Variants in AMOTL1 observed in about 807,000 individuals in gnomAD.
AMOTL1 encodes angiomotin like 1, also known as angiomotin-like protein 1.
Under a neutral mutation model 102.9 loss-of-function variants are expected in AMOTL1, and 45 were observed. That is an observed-to-expected ratio of 0.44 (90% CI 0.34 to 0.56). AMOTL1 has a LOEUF of 0.56. Among genes scored for constraint, AMOTL1 ranks in the 20% least tolerant of loss-of-function variants. The pLI is 0.01. For synonymous variants in AMOTL1, 481 were observed against 484.7 expected (o/e 0.99, Z 0.10); for missense variants, 1,114 against 1,225.6 (o/e 0.91, Z 1.36).
At chr11:94,747,250 A>C (rs1444856685) in intron 3 of AMOTL1, among the ~76,000 whole-genome samples, 1 of 152,148 alleles carries the variant, frequency 6.6e-6, no homozygotes, top group African/African-American at 2.4e-5. Context: ...TTGTTTTCTT[A>C]ACCTTTCATA....
intron 6 of AMOTL1, among the ~76,000 whole-genome samples, chr11:94,840,681 T>TATATATACACAC (rs1166713705): frequency 2.4e-4 from 25 of 104,772 alleles, no homozygotes; most frequent in African/African-American, 1.0e-3. Context: ...TATATATATA[T>TATATATACACAC]ACACACACAC....
intron 6 of AMOTL1, among the ~76,000 whole-genome samples, chr11:94,849,334 G>A (rs1445155952): frequency 6.6e-6 from 1 of 152,072 alleles, no homozygotes; most frequent in Non-Finnish European, 1.5e-5. Flanking sequence ...TATTGCTTTT[G>A]CAACATGAAA....
chr11:94,805,685 G>A (rs1375309569), intron 3 of AMOTL1, among the ~76,000 whole-genome samples: 2 of 152,192 alleles, frequency 1.3e-5, no homozygotes, highest in East Asian at 1.9e-4. Context: ...TAGCTTCCGG[G>A]AAGTGGAGAG....
Position 94,800,030 on chromosome 11 carries a change from C to T in AMOTL1, c.840C>T (p.Pro280=), listed in dbSNP as rs75684892. 466 of 1,614,030 alleles carry T rather than the reference C, an allele frequency of 2.9e-4. 2 individuals carry two copies. The African/African-American group carries it at 5.5e-3, about 19-fold the overall frequency. The part of the protein sequence containing the change: ...LERNGAKQHL[P]GSGNGKGFKV... ...GGAATGGGGCCAAGCAACACCTTCC[C>T]GGCTCGGGGAATGGAAAGGGCTTCA... Residue 280 remains proline (P), a synonymous_variant, in exon 3 of 13, where the codon CCC becomes CCT. Transcript: ENST00000433060.
At chr11:94,829,936 G>T in intron 4 of AMOTL1, 114 bp from the exon 5 acceptor site, 1 of 1,067,242 alleles carries the variant, frequency 9.4e-7, no homozygotes. Flanking sequence ...TTGAGATGCA[G>T]AAAGACTGCA....
chr11:94,771,259 T>TTGG (rs1555067542), intron 1 of AMOTL1, among the ~76,000 whole-genome samples: 5 of 96,876 alleles, frequency 5.2e-5, no homozygotes, highest in Non-Finnish European at 6.4e-5. Flanking sequence ...TTGGCGGGGT[T>TTGG]GGGGGGGGGG....
intron 4 of AMOTL1, among the ~76,000 whole-genome samples, chr11:94,822,190 A>T (rs887183158): frequency 3.9e-5 from 6 of 152,080 alleles, no homozygotes; most frequent in African/African-American, 1.4e-4. Flanking sequence ...GTCCATGCCT[A>T]TAATCCCAGC....
At chr11:94,713,393 G>C (rs1272053190) in intron 1 of AMOTL1, among the ~76,000 whole-genome samples, 2 of 151,922 alleles carry the variant, frequency 1.3e-5, no homozygotes, top group Non-Finnish European at 2.9e-5. Context: ...ACTTTAGAAT[G>C]AACTTGTCTC....
chr11:94,858,323 G>A (rs1952707485), intron 8 of AMOTL1, among the ~76,000 whole-genome samples: 1 of 152,108 alleles, frequency 6.6e-6, no homozygotes, highest in South Asian at 2.1e-4. Flanking sequence ...GTTGGTCACT[G>A]GCAAGATAAC....
intron 11 of AMOTL1, among the ~76,000 whole-genome samples, chr11:94,867,006 C>T (rs779073225): frequency 1.2e-4 from 18 of 152,150 alleles, no homozygotes; most frequent in Non-Finnish European, 2.5e-4. Context: ...TTCCCCTGCA[C>T]TCTGGCCTCT....
intron 2 of AMOTL1, 79 bp downstream of exon 2, chr11:94,795,239 C>T (rs1951346129): frequency 2.0e-6 from 3 of 1,512,990 alleles, no homozygotes; most frequent in Non-Finnish European, 1.8e-6. Context: ...TTGCATAATT[C>T]AGATGTTTAT....
chr11:94,829,270 C>G (rs1952027847), intron 4 of AMOTL1, among the ~76,000 whole-genome samples: 2 of 148,594 alleles, frequency 1.3e-5, no homozygotes, highest in Admixed American at 1.4e-4. Flanking sequence ...TTGCCCTAGG[C>G]TGGAGTGCAG....
chr11:94,850,863 T>C (rs558520539), intron 7 of AMOTL1, among the ~76,000 whole-genome samples: 56 of 152,310 alleles, frequency 3.7e-4, no homozygotes, highest in African/African-American at 1.3e-3. Flanking sequence ...TGAGAAAGTC[T>C]GCCTGAAGTG....
rs564618178 is a variant in AMOTL1, at chr11:94,778,581, A to G, written c.49+10021A>G. 1.8e-3 allele frequency among the ~76,000 whole-genome samples: 270 copies of G among 152,370 alleles called. 2 individuals carry two copies. The highest frequency in any genetic ancestry group is 6.8e-3 in the Middle Eastern group (2 of 294). ...TTGTTAGGAGAAATACATGCTGGGTATAAGAGCAATATCTGACACATTGGA... is the reference window on the plus strand; with the variant it reads ...TTGTTAGGAGAAATACATGCTGGGTGTAAGAGCAATATCTGACACATTGGA... On this transcript the variant is annotated intron_variant, in intron 1 of 12. Transcript: ENST00000433060.
upstream of AMOTL1, among the ~76,000 whole-genome samples, chr11:94,765,122 G>A (rs2135506190): frequency 6.6e-6 from 1 of 152,282 alleles, no homozygotes; most frequent in South Asian, 2.1e-4. Context: ...TCTCTGGGCT[G>A]CCCCAAAGAG....
chr11:94,858,223 G>A (rs143384041), intron 8 of AMOTL1, among the ~76,000 whole-genome samples: 1 of 152,304 alleles, frequency 6.6e-6, no homozygotes, highest in Non-Finnish European at 1.5e-5. Context: ...CCTGCCTGAG[G>A]CTAGGTGCCT....
intron 6 of AMOTL1, among the ~76,000 whole-genome samples, chr11:94,839,511 C>A (rs563863325): frequency 1.3e-5 from 2 of 152,292 alleles, no homozygotes; most frequent in Admixed American, 6.5e-5. Context: ...GGAGCCCAAA[C>A]TTATACTGAA....
At chr11:94,777,797 A>G (rs1951046744) in intron 1 of AMOTL1, among the ~76,000 whole-genome samples, 2 of 152,222 alleles carry the variant, frequency 1.3e-5, no homozygotes, top group African/African-American at 2.4e-5. Flanking sequence ...TTAGGCAGAA[A>G]TTTGGATACA....
chr11:94,808,267 C>T (rs1177821846), intron 3 of AMOTL1, among the ~76,000 whole-genome samples: 8 of 151,612 alleles, frequency 5.3e-5, no homozygotes, highest in Admixed American at 2.6e-4. Flanking sequence ...AAGGCATAAG[C>T]GACTATTCTT....
Sources: allele counts gnomAD v4.1 joint callset (sites outside exome capture counted in the v4.1 genomes callset), GRCh38; gene constraint gnomAD v4.1.1; transcripts MANE v1.5; gene names NCBI Gene and HGNC (gene_info 2026-07-23, HGNC 2026-07-21).